Variants in BBX observed in about 807,000 individuals in gnomAD.
The protein encoded by BBX is HMG box transcription factor BBX.
A neutral mutation model predicts 100.2 loss-of-function variants in BBX; 30 were observed. That is an observed-to-expected ratio of 0.30 (90% CI 0.22 to 0.41). The LOEUF (loss-of-function observed/expected upper bound fraction) is 0.41. BBX is among the 10% of genes least tolerant of loss of function. BBX has a pLI of 1.00. For synonymous variants in BBX, 376 were observed against 388.1 expected, an observed-to-expected ratio of 0.97 and a Z score of 0.37; for missense variants, 1,023 against 1,129.8, an observed-to-expected ratio of 0.91 and a Z score of 1.35.
At chr3:107,644,594 C>T (rs2057410109) in intron 2 of BBX, among the ~76,000 whole-genome samples, 1 of 152,072 alleles carries the variant, frequency 6.6e-6, no homozygotes, top group African/African-American at 2.4e-5. Context: ...TTTATTTCAT[C>T]AGTGTTTGGA....
intron 9 of BBX, among the ~76,000 whole-genome samples, chr3:107,753,065 A>T (rs902552622): frequency 3.3e-5 from 5 of 152,198 alleles, no homozygotes; most frequent in African/African-American, 7.2e-5. Flanking sequence ...GAGGAAAAAC[A>T]TTGAAGGGAT....
At chr3:107,622,188 C>T (rs982935591) in intron 2 of BBX, among the ~76,000 whole-genome samples, 16 of 152,156 alleles carry the variant, frequency 1.1e-4, no homozygotes, top group Non-Finnish European at 1.9e-4. Flanking sequence ...AACGGTGTCA[C>T]GTGGTATACA....
At chr3:107,736,981 G>A (rs2063679007) in intron 7 of BBX, among the ~76,000 whole-genome samples, 1 of 152,064 alleles carries the variant, frequency 6.6e-6, no homozygotes, top group Non-Finnish European at 1.5e-5. Flanking sequence ...TAGACTTTGG[G>A]TCTGTGATTT....
In BBX at chr3:107,658,649, C is replaced by T. The variant is rs550603521; in HGVS notation, c.-10+12740C>T. On this transcript the variant is annotated intron_variant, in intron 3 of 17. Transcript: ENST00000325805. ...GGTGGTAAAGATAAACAAGACTTGC[C>T]CTAGGTAGTAATGATGATTATGATT... Among the ~76,000 whole-genome samples, 12 of 151,988 alleles carry T rather than the reference C, an allele frequency of 7.9e-5. No individual in the cohort carries two copies. The East Asian group carries it at 2.3e-3, about 29-fold the overall frequency.
At position 107,754,247 on chromosome 3, in the gene BBX, T is replaced by C. The variant is rs1416679460; in HGVS notation, c.826-1351T>C. ...TCCCTGAAGCACTGAGAGCCGGTGG[T>C]ATTAATGTGTTTGTTTTCTCTTAGT... On this transcript the variant is annotated intron_variant, in intron 9 of 17. Transcript: ENST00000325805. 2.0e-5 allele frequency among the ~76,000 whole-genome samples: 3 copies of C among 152,188 alleles called. No homozygotes were observed. In the East Asian group the frequency reaches 5.8e-4, roughly 29 times the overall value.
At chr3:107,528,759 T>A (rs1001300053) in intron 2 of BBX, among the ~76,000 whole-genome samples, 9 of 152,168 alleles carry the variant, frequency 5.9e-5, no homozygotes, top group African/African-American at 2.2e-4. Context: ...TAAAAATAAA[T>A]AGGTCTGAAG....
intron 2 of BBX, among the ~76,000 whole-genome samples, chr3:107,599,836 C>T (rs958996322): frequency 3.3e-5 from 5 of 152,142 alleles, no homozygotes; most frequent in African/African-American, 9.7e-5. Flanking sequence ...CAGTGTTATT[C>T]CAGGCTCTTT....
intron 7 of BBX, among the ~76,000 whole-genome samples, chr3:107,741,976 A>T (rs1245909803): frequency 1.3e-5 from 2 of 152,142 alleles, no homozygotes; most frequent in Admixed American, 6.5e-5. Context: ...TCATATTTAT[A>T]TTTGCCATGT....
At chr3:107,645,199 A>T (rs536678073) in intron 2 of BBX, among the ~76,000 whole-genome samples, 2 of 152,298 alleles carry the variant, frequency 1.3e-5, no homozygotes, top group African/African-American at 2.4e-5. Flanking sequence ...TTAGGGATAT[A>T]TATTTGCAGT....
intron 2 of BBX, among the ~76,000 whole-genome samples, chr3:107,609,785 A>G (rs1193376486): frequency 6.6e-6 from 1 of 151,790 alleles, no homozygotes; most frequent in Non-Finnish European, 1.5e-5. Flanking sequence ...TAGCCTGGCT[A>G]AGGTTTGTCA....
In BBX at chr3:107,579,863, A is replaced by T. The variant is rs191557969; in HGVS notation, c.-84+53465A>T. Among the ~76,000 whole-genome samples the T allele has an allele frequency of 1.9e-3, 284 of 152,292 alleles. 1 individual carries two copies. The highest frequency in any genetic ancestry group is 6.2e-3 in the African/African-American group (259 of 41,558). ...TGTCTTGTGGGAACATTAGAAAGGTACCTATGATGGTTGAATATCTTTAGT... is the reference window on the plus strand; with the variant it reads ...TGTCTTGTGGGAACATTAGAAAGGTTCCTATGATGGTTGAATATCTTTAGT... On this transcript the variant is annotated intron_variant, in intron 2 of 17. Transcript: ENST00000325805.
chr3:107,627,007 A>G (rs929286301), intron 2 of BBX, among the ~76,000 whole-genome samples: 16 of 152,154 alleles, frequency 1.1e-4, no homozygotes, highest in African/African-American at 3.9e-4. Flanking sequence ...TCCCAGAGCA[A>G]GTAGTCCAAG....
intron 2 of BBX, among the ~76,000 whole-genome samples, chr3:107,553,701 T>C (rs1490952377): frequency 6.6e-6 from 1 of 152,244 alleles, no homozygotes; most frequent in African/African-American, 2.4e-5. Flanking sequence ...AAGAAGTCAC[T>C]GAGAACTTGA....
At chr3:107,740,481 T>G (rs1364543535) in intron 7 of BBX, among the ~76,000 whole-genome samples, 3 of 152,098 alleles carry the variant, frequency 2.0e-5, no homozygotes, top group Admixed American at 2.0e-4. Context: ...ATTAGCCTCC[T>G]GCCTCCAGTC....
chr3:107,568,497 C>T (rs544455499), intron 2 of BBX, among the ~76,000 whole-genome samples: 145 of 152,148 alleles, frequency 9.5e-4, no homozygotes, highest in African/African-American at 3.4e-3. Flanking sequence ...ATCTCCTGAC[C>T]TTGTGATCCC....
intron 2 of BBX, among the ~76,000 whole-genome samples, chr3:107,604,460 T>G (rs941024311): frequency 2.6e-5 from 4 of 152,166 alleles, no homozygotes; most frequent in African/African-American, 9.7e-5. Flanking sequence ...TGCTCTTGTT[T>G]GTCACTATTA....
rs1449263925 is a variant in BBX, at chr3:107,779,020, T to TATAC, written c.2203+502_2203+503insTACA. Among the ~76,000 whole-genome samples the TATAC allele has an allele frequency of 2.2e-4, 21 of 95,816 alleles. 2 individuals carry two copies. The highest frequency in any genetic ancestry group is 8.1e-4 in the African/African-American group (20 of 24,568). 62.9% of individuals were successfully genotyped at this position (95,816 alleles called of 152,430 possible). ...ATATATATATATATATATATATATA[T>TATAC]ACACACACACACACACATATACATT... On this transcript the variant is annotated intron_variant, in intron 13 of 17. Coordinates refer to ENST00000325805, the MANE Select transcript of BBX (RefSeq NM_001142568.3).
chr3:107,681,722 A>C (rs948927204), intron 3 of BBX, among the ~76,000 whole-genome samples: 3 of 152,130 alleles, frequency 2.0e-5, no homozygotes, highest in African/African-American at 7.2e-5. Flanking sequence ...TCATATACTG[A>C]GAGAATAAAG....
chr3:107,705,079 A>G (rs1332432662), intron 3 of BBX, among the ~76,000 whole-genome samples: 1 of 152,176 alleles, frequency 6.6e-6, no homozygotes, highest in Non-Finnish European at 1.5e-5. Flanking sequence ...TTTAGAAAGA[A>G]TGAAAGCAGG....
Sources: gnomAD v4.1 joint callset for allele counts (sites outside exome capture counted in the v4.1 genomes callset) on GRCh38, gnomAD v4.1.1 for gene constraint, MANE v1.5 for transcripts, NCBI Gene and HGNC (gene_info 2026-07-23, HGNC 2026-07-21) for gene names.